Variants in NAA60 observed in about 807,000 individuals in gnomAD.
The protein encoded by NAA60 is N-alpha-acetyltransferase 60.
Under a neutral mutation model 26.1 loss-of-function variants are expected in NAA60, and 8 were observed. The observed-to-expected ratio is 0.31, with a 90% CI of 0.18 to 0.55. The LOEUF (loss-of-function observed/expected upper bound fraction) is 0.55, where lower values mean the gene tolerates loss of function less well. Ranked by LOEUF, NAA60 falls within the 20% of genes least tolerant of loss-of-function variation. NAA60 has a pLI of 0.93. For synonymous variants in NAA60, 131 were observed against 122.5 expected (o/e 1.07, Z -0.46); for missense variants, 290 against 311.3 (o/e 0.93, Z 0.51).
Position 3,484,703 on chromosome 16 carries a change from T to G in NAA60, c.577T>G (p.Tyr193Asp). The part of the protein sequence containing the change: ...GGHPPWTILD[Y>D]IQHLGSALAS... ...TCTTCCTTAACAGAGCCCCACGGACTACATCCAGCACCTGGGCTCTGCACT... is the reference window on the plus strand; with the variant it reads ...TCTTCCTTAACAGAGCCCCACGGACGACATCCAGCACCTGGGCTCTGCACT... The change falls in exon 7 of 8, where the codon TAC becomes GAC. Residue 193 changes from tyrosine (Y) to aspartate (D), a missense_variant. Tyr to Asp is a radical substitution (Grantham distance 160, BLOSUM62 -3). Coordinates refer to ENST00000407558, the MANE Select transcript of NAA60 (RefSeq NM_001083601.3). 6.3e-7 allele frequency: 1 copy of G among 1,590,850 alleles called. No homozygotes were observed. The highest frequency in any genetic ancestry group is 8.5e-7 in the Non-Finnish European group (1 of 1,169,692).
chr16:3,481,543 T>G (rs919616754), intron 4 of NAA60, among the ~76,000 whole-genome samples: 1 of 152,142 alleles, frequency 6.6e-6, no homozygotes, highest in Non-Finnish European at 1.5e-5. Flanking sequence ...TGGAATGTGT[T>G]TGTGTTCCCT....
At position 3,452,159 on chromosome 16, in the gene NAA60, G is replaced by A. The variant is rs1244573649; in HGVS notation, c.-7+3619G>A. ...GACCAGGAGGTTGACGCTGCAGTAA[G>A]CCGTGATCACGCCACTTTACTCCAA... On this transcript the variant is annotated intron_variant, in intron 2 of 7. Coordinates refer to ENST00000407558, the MANE Select transcript of NAA60 (RefSeq NM_001083601.3). 2.6e-5 allele frequency among the ~76,000 whole-genome samples: 4 copies of A among 152,156 alleles called. No homozygotes were observed. In the South Asian group the frequency reaches 8.3e-4, roughly 32 times the overall value.
chr16:3,472,017 AG>A (rs559762197), intron 2 of NAA60: 1 of 152,130 alleles, frequency 6.6e-6, no homozygotes, highest in Non-Finnish European at 1.5e-5. Flanking sequence ...CTTAGCCCTT[AG>A]GGGAAAGGGG....
chr16:3,475,347 C>G (rs1449208392), intron 2 of NAA60, among the ~76,000 whole-genome samples: 2 of 151,434 alleles, frequency 1.3e-5, no homozygotes, highest in Non-Finnish European at 2.9e-5. Context: ...ACCTTGGCCT[C>G]GCAAAGTGCT....
At chr16:3,460,611 C>T (rs113421495) in intron 2 of NAA60, among the ~76,000 whole-genome samples, 12,611 of 152,200 alleles carry the variant, frequency 0.083, 566 homozygotes, top group Admixed American at 0.1. Context: ...AGTGATCCGC[C>T]GCCTCAGCCT....
intron 7 of NAA60, 117 bp downstream of exon 7, chr16:3,485,178 TCCA>T (rs774333203): frequency 1.7e-4 from 127 of 727,026 alleles, no homozygotes; most frequent in Admixed American, 3.0e-4. Context: ...GACTGCAGAG[TCCA>T]CCACCTTATG....
intron 2 of NAA60, among the ~76,000 whole-genome samples, chr16:3,467,324 G>A (rs2150981907): frequency 6.6e-6 from 1 of 152,228 alleles, no homozygotes; most frequent in South Asian, 2.1e-4. Context: ...GAGGAGCTGT[G>A]GGCGGGAAGA....
chr16:3,443,717 G>C lies in NAA60; in HGVS notation c.-197G>C. On this transcript the variant is annotated 5_prime_UTR_variant, in exon 1 of 8. Transcript: ENST00000407558. ...GCGGGGTCTCCTCCGTGAGCTCCGGGCCTGTTTGCCTGCTGAAGTAGAGTC... is the reference window on the plus strand; with the variant it reads ...GCGGGGTCTCCTCCGTGAGCTCCGGCCCTGTTTGCCTGCTGAAGTAGAGTC... 6.8e-7 allele frequency: 1 copy of C among 1,472,406 alleles called. No individual in the cohort carries two copies. The highest frequency in any genetic ancestry group is 9.0e-7 in the Non-Finnish European group (1 of 1,114,262). The allele number at this position is 1,472,406 out of a possible 1,614,324, so 91.2% of individuals were successfully genotyped here.
chr16:3,485,280 C>T, intron 7 of NAA60, 187 bp from the exon 8 acceptor site: 1 of 597,058 alleles, frequency 1.7e-6, no homozygotes, highest in South Asian at 1.5e-5. Flanking sequence ...ACTTTGGATC[C>T]ATCAGTGCCT....
chr16:3,474,414 G>T (rs570765559), intron 2 of NAA60, among the ~76,000 whole-genome samples: 3 of 152,218 alleles, frequency 2.0e-5, no homozygotes, highest in Non-Finnish European at 4.4e-5. Flanking sequence ...CTGGGGAGGG[G>T]CCTAGCTATC....
rs149501230 is a variant in NAA60 at position 3,460,329 on chromosome 16, C to T, written c.-7+11789C>T. Among the ~76,000 whole-genome samples, 33 of 152,272 alleles carry T rather than the reference C, an allele frequency of 2.2e-4. No homozygotes were observed. In the East Asian group the frequency reaches 6.0e-3, roughly 28 times the overall value. ...CTCTTTTTGGAAGGAATCCACGAAG[C>T]CCTCATGACTGTTTGTTTGTTTTTG... is the stretch of plus-strand genomic sequence containing the variant. On this transcript the variant is annotated intron_variant, in intron 2 of 7. Coordinates refer to ENST00000407558, the MANE Select transcript of NAA60 (RefSeq NM_001083601.3).
intron 2 of NAA60, among the ~76,000 whole-genome samples, chr16:3,459,556 C>T (rs145613132): frequency 6.6e-6 from 1 of 152,282 alleles, no homozygotes; most frequent in Admixed American, 6.5e-5. Context: ...CTTCATCTCC[C>T]TTCTTGTGGG....
At chr16:3,458,609 T>C (rs990118111) in intron 2 of NAA60, among the ~76,000 whole-genome samples, 4 of 152,224 alleles carry the variant, frequency 2.6e-5, no homozygotes, top group Admixed American at 6.5e-5. Flanking sequence ...CGCTCTCGCC[T>C]GGCCTGGTCA....
intron 3 of NAA60, among the ~76,000 whole-genome samples, chr16:3,478,736 G>A (rs191063550): frequency 2.5e-4 from 38 of 152,252 alleles, no homozygotes; most frequent in Admixed American, 2.6e-4. Context: ...TCAAACGCCT[G>A]TCAGCTGTGA....
chr16:3,458,604 T>G (rs1328009248), intron 2 of NAA60, among the ~76,000 whole-genome samples: 1 of 152,230 alleles, frequency 6.6e-6, no homozygotes, highest in African/African-American at 2.4e-5. Flanking sequence ...CGCCCCGCTC[T>G]CGCCTGGCCT....
chr16:3,444,947 A>G (rs115304331), intron 1 of NAA60, among the ~76,000 whole-genome samples: 2,714 of 152,312 alleles, frequency 0.018, 73 homozygotes, highest in African/African-American at 0.061. Flanking sequence ...GGGCTTTGTT[A>G]CAAATGAAAA....
chr16:3,454,383 A>G (rs934101797), intron 2 of NAA60, among the ~76,000 whole-genome samples: 3 of 152,212 alleles, frequency 2.0e-5, no homozygotes, highest in Non-Finnish European at 4.4e-5. Context: ...GTAAATAGGC[A>G]AGAGAAAAGC....
intron 2 of NAA60, among the ~76,000 whole-genome samples, chr16:3,465,195 A>C (rs1317507930): frequency 6.7e-6 from 1 of 149,326 alleles, no homozygotes; most frequent in Non-Finnish European, 1.5e-5. Flanking sequence ...TGAACCCGGG[A>C]GGCGGAGCTT....
intron 2 of NAA60, among the ~76,000 whole-genome samples, chr16:3,454,279 C>T (rs1170075233): frequency 6.6e-6 from 1 of 152,252 alleles, no homozygotes; most frequent in Non-Finnish European, 1.5e-5. Flanking sequence ...CTTGGTATGT[C>T]GCTACACTGC....
Sources: allele counts gnomAD v4.1 joint callset (sites outside exome capture counted in the v4.1 genomes callset), GRCh38; gene constraint gnomAD v4.1.1; transcripts MANE v1.5; gene names NCBI Gene and HGNC (gene_info 2026-07-23, HGNC 2026-07-21).